The following COL9A2 variants were observed in gnomAD, a reference collection of about 807,000 sequenced individuals.
The protein encoded by COL9A2 is collagen alpha-2(IX) chain.
A neutral mutation model predicts 111.6 loss-of-function variants in COL9A2; 66 were observed. That is an observed-to-expected ratio of 0.59 (90% CI 0.48 to 0.73). COL9A2 has a LOEUF of 0.73. Ranked by LOEUF, COL9A2 falls within the 30% of genes least tolerant of loss-of-function variation. COL9A2 has a pLI of 0.00. For missense variants in COL9A2, 881 were observed against 954.1 expected (o/e 0.92, Z 1.01); for synonymous variants, 353 against 364.1 (o/e 0.97, Z 0.35).
intron 21 of COL9A2, among the ~76,000 whole-genome samples, chr1:40,305,403 A>G (rs1388675545): frequency 6.6e-6 from 1 of 152,196 alleles, no homozygotes; most frequent in Non-Finnish European, 1.5e-5. Flanking sequence ...TACCCTCCAT[A>G]TGAAGAGGAG....
chr1:40,301,528 T>C (rs1009733110), intron 31 of COL9A2, 147 bp from the exon 32 acceptor site: 3 of 716,520 alleles, frequency 4.2e-6, no homozygotes, highest in Non-Finnish European at 7.0e-6. Context: ...GATTCTGTGA[T>C]TGTCCCCTAC....
At chr1:40,309,647 C>G (rs1644085845) in intron 16 of COL9A2, among the ~76,000 whole-genome samples, 1 of 152,006 alleles carries the variant, frequency 6.6e-6, no homozygotes, top group Non-Finnish European at 1.5e-5. Flanking sequence ...CACACACTCA[C>G]TCACACACAC....
intron 19 of COL9A2, among the ~76,000 whole-genome samples, chr1:40,306,906 G>A (rs1644038732): frequency 1.3e-5 from 2 of 149,000 alleles, no homozygotes; most frequent in South Asian, 2.1e-4. Context: ...GTGCAGTGGT[G>A]TAATCTTGGC....
rs1644117376 is a variant in COL9A2, at chr1:40,311,166, T to G, written c.577-20A>C. The G allele has an allele frequency of 6.2e-7, 1 of 1,614,006 alleles. No homozygotes were observed. The highest frequency in any genetic ancestry group is 8.5e-7 in the Non-Finnish European group (1 of 1,180,022). On this transcript the variant is annotated intron_variant, in intron 11 of 31. Transcript: ENST00000372748. The surrounding 1 kb of genome is among the most constrained non-coding windows in gnomAD (Gnocchi z 5.1). Reference sequence around the variant, plus strand: ...ATGCCCCTGAAGGGAAGGAGAGAGCTCAATACGAGGTCCCCTCCTGTCACC... The same window carrying G: ...ATGCCCCTGAAGGGAAGGAGAGAGCGCAATACGAGGTCCCCTCCTGTCACC...
Position 40,317,167 on chromosome 1 carries a change from G to A in COL9A2, c.31C>T (p.Leu11Phe), listed in dbSNP as rs74506933. 6.2e-4 allele frequency: 985 copies of A among 1,589,276 alleles called. 9 individuals are homozygous for A. In the African/African-American group the frequency reaches 0.012, roughly 19 times the overall value. Residue 11 changes from leucine (L) to phenylalanine (F), a missense_variant, in exon 1 of 32, where the codon CTC becomes TTC. Physicochemically the swap from Leu to Phe is conservative, Grantham distance 22. Transcript: ENST00000372748. The surrounding 1 kb of genome is among the most constrained non-coding windows in gnomAD (Gnocchi z 4.3). The part of the protein sequence containing the change: MAAATASPRS[L>F]LVLLQVVVLA... ...ACTACCACCTGGAGGAGAACAAGGA[G>A]GCTGCGGGGGGAGGCCGTAGCGGCG...
At chr1:40,309,917 A>C in intron 16 of COL9A2, 21 bp downstream of exon 16, 2 of 1,612,984 alleles carry the variant, frequency 1.2e-6, no homozygotes, top group Admixed American at 1.7e-5. Flanking sequence ...CTGACTGAAC[A>C]ATGGGTGCCT....
chr1:40,310,888 A>G lies in COL9A2; in HGVS notation c.631-121T>C. ...GACGGGAGGGACTACTACGAACCCTACAGTCCTGTGTTACAGATAGAGAAA... is the reference window on the plus strand; with the variant it reads ...GACGGGAGGGACTACTACGAACCCTGCAGTCCTGTGTTACAGATAGAGAAA... On this transcript the variant is annotated intron_variant, in intron 12 of 31. Transcript: ENST00000372748. The surrounding 1 kb of genome is among the most constrained non-coding windows in gnomAD (Gnocchi z 4.9). 9.5e-7 allele frequency: 1 copy of G among 1,052,656 alleles called. No homozygotes were observed. The highest frequency in any genetic ancestry group is 1.4e-6 in the Non-Finnish European group (1 of 694,638). 65.2% of individuals were successfully genotyped at this position (1,052,656 alleles called of 1,614,324 possible).
At position 40,303,978 on chromosome 1, in the gene COL9A2, G is replaced by A. The variant is rs1297497796; in HGVS notation, c.1324-6C>T. On this transcript the variant is annotated splice_polypyrimidine_tract_variant and splice_region_variant and intron_variant, in intron 25 of 31. Transcript: ENST00000372748. The surrounding 1 kb of genome is among the most constrained non-coding windows in gnomAD (Gnocchi z 4.6). Reference sequence around the variant, plus strand: ...CCGGCCACCCCTGGGTCACCCTGCAGAGAGAACCACGGGTCAGACGCGCGG... The same window carrying A: ...CCGGCCACCCCTGGGTCACCCTGCAAAGAGAACCACGGGTCAGACGCGCGG... The A allele has an allele frequency of 6.4e-7, 1 of 1,567,748 alleles. No individual in the cohort carries two copies. The highest frequency in any genetic ancestry group is 8.7e-7 in the Non-Finnish European group (1 of 1,155,812).
chr1:40,306,078 C>T (rs1312232649), intron 20 of COL9A2, 65 bp downstream of exon 20: 1 of 1,583,688 alleles, frequency 6.3e-7, no homozygotes, highest in African/African-American at 1.3e-5. Flanking sequence ...GAGGCCTGGG[C>T]CTTGCTGTCT....
Position 40,317,249 on chromosome 1 carries a change from G to T in COL9A2, c.-52C>A, listed in dbSNP as rs755379888. On this transcript the variant is annotated 5_prime_UTR_variant, in exon 1 of 32. Coordinates refer to ENST00000372748, the MANE Select transcript of COL9A2 (RefSeq NM_001852.4). The surrounding 1 kb of genome is among the most constrained non-coding windows in gnomAD (Gnocchi z 4.3). ...GGTGCGTGTCCGCGCACGCACCGAC[G>T]GCAGAGTCTCCCGGCGCTCCTCCAG... is the stretch of plus-strand genomic sequence containing the variant. 1.2e-4 allele frequency: 177 copies of T among 1,449,322 alleles called. No individual in the cohort carries two copies. The highest frequency in any genetic ancestry group is 1.6e-4 in the Non-Finnish European group (168 of 1,055,744). 89.8% of individuals were successfully genotyped at this position (1,449,322 alleles called of 1,614,324 possible). A position where few individuals can be genotyped will look rare whatever the true frequency, so the allele number is the denominator to read the frequency against.
chr1:40,316,732 A>T lies in COL9A2; in HGVS notation c.75+391T>A. On this transcript the variant is annotated intron_variant, in intron 1 of 31. Coordinates refer to ENST00000372748, the MANE Select transcript of COL9A2 (RefSeq NM_001852.4). The surrounding 1 kb of genome is among the most constrained non-coding windows in gnomAD (Gnocchi z 5.5). ...GGCCGAGAGGCCGCCTCGGGGCGAC[A>T]GCGGCGTCTGGTTGGAGCCGGCGCC... 1 of 367,508 alleles carries T rather than the reference A, an allele frequency of 2.7e-6. No individual in the cohort carries two copies. Among genetic ancestry groups the T allele is most frequent in the Non-Finnish European group, 5.1e-6 (1 of 196,256 alleles). 22.8% of individuals were successfully genotyped at this position (367,508 alleles called of 1,614,324 possible).
rs376234058 is a variant in COL9A2 at position 40,314,255 on chromosome 1, C to T, written c.199G>A (p.Glu67Lys). ...CCATCTGGCCCAGCTTTGCCAGGCT[C>T]GCCCTTGGGTCCCTTGAAAACAGAG... ...GKAGPPGPKG[E>K]PGKAGPDGPD... The change falls in exon 4 of 32, where the codon GAG becomes AAG. Residue 67 changes from glutamate to lysine, a missense_variant. By Grantham distance (56) the Glu-to-Lys change is moderately conservative (BLOSUM62 1). Coordinates refer to ENST00000372748, the MANE Select transcript of COL9A2 (RefSeq NM_001852.4). The surrounding 1 kb of genome is among the most constrained non-coding windows in gnomAD (Gnocchi z 4.1). The T allele has an allele frequency of 5.0e-6, 8 of 1,614,216 alleles. No individual in the cohort carries two copies. The highest frequency in any genetic ancestry group is 4.0e-5 in the African/African-American group (3 of 75,048).
At position 40,315,679 on chromosome 1, in the gene COL9A2, CG is replaced by C; in HGVS notation, c.76-16del. ...GGTGGACCTCTCTGAAAAACACACA[CG>C]GGGTGGGGCAGTCCTCAGACAGTGC... On this transcript the variant is annotated splice_polypyrimidine_tract_variant and intron_variant, in intron 1 of 31. Coordinates refer to ENST00000372748, the MANE Select transcript of COL9A2 (RefSeq NM_001852.4). 2.6e-6 allele frequency: 4 copies of C among 1,546,568 alleles called. No individual in the cohort carries two copies. The highest frequency in any genetic ancestry group is 1.4e-5 in the African/African-American group (1 of 73,350).
intron 31 of COL9A2, 94 bp downstream of exon 31, chr1:40,301,718 G>T: frequency 1.6e-6 from 2 of 1,217,054 alleles, no homozygotes; most frequent in Non-Finnish European, 2.4e-6. Flanking sequence ...AGCTGGCTGA[G>T]CGTGAGGCCG....
At chr1:40,305,065 T>A in intron 21 of COL9A2, 1 of 312,496 alleles carries the variant, frequency 3.2e-6, no homozygotes. Context: ...TTCTTTCTTT[T>A]TTTTTTTTTT....
At position 40,307,335 on chromosome 1, in the gene COL9A2, T is replaced by C; in HGVS notation, c.1008+111A>G. ...TTCGCCAGGCCAGGGGCCACAGAGT[T>C]GGTAACAAGGCAAGAGGTGGTGATT... On this transcript the variant is annotated intron_variant, in intron 19 of 31. Coordinates refer to ENST00000372748, the MANE Select transcript of COL9A2 (RefSeq NM_001852.4). This position sits in a 1 kb window ranked among gnomAD's most constrained non-coding sequence, Gnocchi z 4.8. 4 of 1,048,980 alleles carry C rather than the reference T, an allele frequency of 3.8e-6. No homozygotes were observed. The highest frequency in any genetic ancestry group is 5.8e-6 in the Non-Finnish European group (4 of 689,678). The allele number at this position is 1,048,980 out of a possible 1,614,324, so 65.0% of individuals were successfully genotyped here. A position where few individuals can be genotyped will look rare whatever the true frequency, so the allele number is the denominator to read the frequency against.
chr1:40,315,255 T>C (rs1263659227), intron 2 of COL9A2: 23 of 1,132,546 alleles, frequency 2.0e-5, no homozygotes, highest in Non-Finnish European at 2.5e-5. Flanking sequence ...AGCGTCCAGA[T>C]GTGCCAGAGG....
rs904699052 is a variant in COL9A2, at chr1:40,312,112, C to T, written c.364G>A (p.Gly122Arg). 1.2e-6 allele frequency: 2 copies of T among 1,600,240 alleles called. No homozygotes were observed. The highest frequency in any genetic ancestry group is 1.7e-6 in the Non-Finnish European group (2 of 1,175,218). ...GGGAGGCCAACAGGTCCAGGAGGCC[C>T]CTGGGGAGCAGAGAGTTGATGGTCA... Reference protein sequence around the residue: ...LPGPGFAGPPGPPGPVGLPGE... With the variant: ...LPGPGFAGPPRPPGPVGLPGE... Residue 122 changes from glycine to arginine, a missense_variant and splice_region_variant, in exon 8 of 32, where the codon GGG becomes AGG. Physicochemically the swap from Gly to Arg is moderately radical, Grantham distance 125. Transcript: ENST00000372748. This position sits in a 1 kb window ranked among gnomAD's most constrained non-coding sequence, Gnocchi z 6.0.
At position 40,314,233 on chromosome 1, in the gene COL9A2, T is replaced by A. The variant is rs565528937; in HGVS notation, c.221A>T (p.Asp74Val). 6.2e-7 allele frequency: 1 copy of A among 1,614,216 alleles called. No individual in the cohort carries two copies. The highest frequency in any genetic ancestry group is 2.2e-5 in the East Asian group (1 of 44,884). Residue 74 changes from aspartate to valine, a missense_variant, in exon 4 of 32, where the codon GAT becomes GTT. Asp to Val is a radical substitution (Grantham distance 152). Transcript: ENST00000372748. This position sits in a 1 kb window ranked among gnomAD's most constrained non-coding sequence, Gnocchi z 4.1. ...AATCCCGGGCTTCCCGTCTGGCCCA[T>A]CTGGCCCAGCTTTGCCAGGCTCGCC... ...PKGEPGKAGP[D>V]GPDGKPGIDG...
Sources: allele counts gnomAD v4.1 joint callset (sites outside exome capture counted in the v4.1 genomes callset), GRCh38; gene constraint gnomAD v4.1.1; non-coding constraint Gnocchi (gnomAD v3.1); transcripts MANE v1.5; gene names NCBI Gene and HGNC (gene_info 2026-07-23, HGNC 2026-07-21).